Variants in DPP10 observed in about 807,000 individuals in gnomAD.
DPP10 encodes the protein inactive dipeptidyl peptidase 10.
In DPP10, 33 loss-of-function variants were observed where a neutral mutation model predicts 120.9. The observed-to-expected ratio is 0.27, with a 90% CI of 0.21 to 0.37. The LOEUF (loss-of-function observed/expected upper bound fraction) is 0.37, where lower values mean the gene tolerates loss of function less well. Among genes scored for constraint, DPP10 ranks in the 10% least tolerant of loss-of-function variants. The pLI, the probability that DPP10 is intolerant of heterozygous loss-of-function variation, is 1.00. For synonymous variants in DPP10, 337 were observed against 326.1 expected (o/e 1.03, Z -0.36); for missense variants, 816 against 942.8 (o/e 0.87, Z 1.76).
chr2:115,419,233 G>A (rs2069713720), intron 3 of DPP10, among the ~76,000 whole-genome samples: 1 of 152,100 alleles, frequency 6.6e-6, no homozygotes, highest in African/African-American at 2.4e-5. Flanking sequence ...TATCAAGAGA[G>A]GAATCCAGGC....
intron 1 of DPP10, among the ~76,000 whole-genome samples, chr2:114,623,311 A>C (rs1694241982): frequency 6.6e-6 from 1 of 152,148 alleles, no homozygotes; most frequent in Admixed American, 6.6e-5. Flanking sequence ...TGTGAAATAC[A>C]CTTATAGAAA....
At chr2:115,693,322 G>C (rs557944998) in intron 7 of DPP10, among the ~76,000 whole-genome samples, 1 of 152,252 alleles carries the variant, frequency 6.6e-6, no homozygotes, top group East Asian at 1.9e-4. Flanking sequence ...GGACAATGGT[G>C]AGTGGACACC....
chr2:114,552,614 T>G (rs1463651608), intron 1 of DPP10, among the ~76,000 whole-genome samples: 3 of 152,100 alleles, frequency 2.0e-5, no homozygotes, highest in Non-Finnish European at 2.9e-5. Flanking sequence ...GGCCCCAACT[T>G]GGATCACTGC....
At chr2:115,836,083 A>G in intron 21 of DPP10, 74 bp from the exon 22 acceptor site, 1 of 783,724 alleles carries the variant, frequency 1.3e-6, no homozygotes, top group Non-Finnish European at 1.8e-6. Flanking sequence ...TGTTATATAT[A>G]AATTTGTGTG....
intron 1 of DPP10, among the ~76,000 whole-genome samples, chr2:115,276,778 T>G (rs1038871326): frequency 6.6e-6 from 1 of 152,214 alleles, no homozygotes; most frequent in East Asian, 1.9e-4. Flanking sequence ...ATCATATTCC[T>G]TTTTACCTTC....
At chr2:115,188,061 AAGAGAG>A (rs59672278) in intron 1 of DPP10, among the ~76,000 whole-genome samples, 36 of 147,084 alleles carry the variant, frequency 2.4e-4, no homozygotes, top group South Asian at 1.3e-3. Context: ...GAGAGAGGCA[AAGAGAG>A]AGAGAGAGAG....
intron 3 of DPP10, among the ~76,000 whole-genome samples, chr2:115,496,385 T>C (rs2076397861): frequency 6.6e-6 from 1 of 151,650 alleles, no homozygotes; most frequent in African/African-American, 2.4e-5. Flanking sequence ...CAATTCTCTG[T>C]AGATTTTTCT....
chr2:114,624,400 T>C (rs895788694), intron 1 of DPP10, among the ~76,000 whole-genome samples: 1 of 152,048 alleles, frequency 6.6e-6, no homozygotes, highest in Admixed American at 6.6e-5. Flanking sequence ...GGCAGACTAG[T>C]GGTATAACAA....
chr2:114,482,812 T>C (rs142175142), intron 1 of DPP10, among the ~76,000 whole-genome samples: 203 of 152,318 alleles, frequency 1.3e-3, no homozygotes, highest in African/African-American at 4.6e-3. Context: ...AAATGTCTTG[T>C]TGAGTTGTAT....
At chr2:115,602,605 A>G (rs907467190) in intron 5 of DPP10, among the ~76,000 whole-genome samples, 1 of 152,110 alleles carries the variant, frequency 6.6e-6, no homozygotes, top group Non-Finnish European at 1.5e-5. Flanking sequence ...ATTTTATAAT[A>G]CTAAGATTTC....
intron 1 of DPP10, among the ~76,000 whole-genome samples, chr2:115,156,788 C>G (rs2104932538): frequency 6.6e-6 from 1 of 152,250 alleles, no homozygotes; most frequent in Non-Finnish European, 1.5e-5. Context: ...CTCAAAAGGA[C>G]AAATGCGATG....
At chr2:115,655,297 GA>G (rs946818003) in intron 5 of DPP10, among the ~76,000 whole-genome samples, 5 of 151,386 alleles carry the variant, frequency 3.3e-5, no homozygotes, top group East Asian at 3.9e-4. Flanking sequence ...AAAGTTTGGG[GA>G]AAAAAAATCA....
intron 1 of DPP10, among the ~76,000 whole-genome samples, chr2:114,744,724 G>T (rs968658042): frequency 3.9e-5 from 6 of 152,154 alleles, no homozygotes; most frequent in African/African-American, 1.4e-4. Context: ...TATAAGGGCA[G>T]AGATGAGAAC....
chr2:115,533,400 T>C lies in DPP10; in HGVS notation c.441+7428T>C, dbSNP rs149122803. 2.5e-3 allele frequency among the ~76,000 whole-genome samples: 387 copies of C among 152,218 alleles called. 3 individuals carry two copies. Among genetic ancestry groups the C allele is most frequent in the African/African-American group, 8.9e-3 (372 of 41,570 alleles). The stretch of plus-strand genomic sequence containing the variant: ...GCAAAAGATCAGCATTGTTATTTTC[T>C]ACAGTTAGATGCATTCATTTCAGTT... On this transcript the variant is annotated intron_variant, in intron 5 of 25. Transcript: ENST00000410059.
chr2:115,464,017 C>T (rs2105097279), intron 3 of DPP10, among the ~76,000 whole-genome samples: 1 of 152,204 alleles, frequency 6.6e-6, no homozygotes, highest in Non-Finnish European at 1.5e-5. Flanking sequence ...CTCTTGCCTA[C>T]CCAAGCTCTT....
intron 1 of DPP10, among the ~76,000 whole-genome samples, chr2:114,950,527 G>C (rs979938602): frequency 6.6e-6 from 1 of 150,898 alleles, no homozygotes; most frequent in African/African-American, 2.4e-5. Context: ...GGATGGTCTC[G>C]ATCTCCTGAC....
intron 3 of DPP10, among the ~76,000 whole-genome samples, chr2:115,496,703 T>A (rs1228092711): frequency 6.6e-6 from 1 of 152,116 alleles, no homozygotes; most frequent in Non-Finnish European, 1.5e-5. Context: ...AAATTCTGCA[T>A]TGTGCTTGTG....
At position 115,840,652 on chromosome 2, in the gene DPP10, A is replaced by T. The variant is rs1250938151; in HGVS notation, c.2183-98A>T. On this transcript the variant is annotated intron_variant, in intron 24 of 25. Coordinates refer to ENST00000410059, the MANE Select transcript of DPP10 (RefSeq NM_020868.6). ...TATAAGTCTTTTAAATGTGCAATGTATGTAAAATAAAACACTGAATCTCTT... is the reference window on the plus strand; with the variant it reads ...TATAAGTCTTTTAAATGTGCAATGTTTGTAAAATAAAACACTGAATCTCTT... 8 of 1,243,360 alleles carry T rather than the reference A, an allele frequency of 6.4e-6. No homozygotes were observed. The East Asian group carries it at 1.9e-4, about 30-fold the overall frequency. 77.0% of individuals were successfully genotyped at this position (1,243,360 alleles called of 1,614,324 possible).
chr2:114,831,455 T>C (rs1182646513), intron 1 of DPP10, among the ~76,000 whole-genome samples: 1 of 152,116 alleles, frequency 6.6e-6, no homozygotes, highest in Non-Finnish European at 1.5e-5. Context: ...GGAAAGCAAA[T>C]AACTGTGATC....
Sources: allele counts gnomAD v4.1 joint callset (sites outside exome capture counted in the v4.1 genomes callset), GRCh38; gene constraint gnomAD v4.1.1; transcripts MANE v1.5; gene names NCBI Gene and HGNC (gene_info 2026-07-23, HGNC 2026-07-21).